GALNT17: variants seen among roughly 807,000 people sequenced by gnomAD.
GALNT17 encodes polypeptide N-acetylgalactosaminyltransferase 17.
In GALNT17, 29 loss-of-function variants were observed where a neutral mutation model predicts 63.7. The ratio of observed to expected loss-of-function variants is 0.46; its 90% CI spans 0.34 to 0.62. GALNT17 has a LOEUF of 0.62. Among genes scored for constraint, GALNT17 ranks in the 20% least tolerant of loss-of-function variants. The pLI is 0.01. For missense variants in GALNT17, 603 were observed against 799.6 expected, an observed-to-expected ratio of 0.75 and a Z score of 2.97; for synonymous variants, 305 against 318.3, an observed-to-expected ratio of 0.96 and a Z score of 0.45.
intron 5 of GALNT17, among the ~76,000 whole-genome samples, chr7:71,520,861 G>A (rs1788519212): frequency 6.6e-6 from 1 of 152,170 alleles, no homozygotes; most frequent in Non-Finnish European, 1.5e-5. Flanking sequence ...GAGACTAGGA[G>A]AGGAGGGACA....
intron 3 of GALNT17, among the ~76,000 whole-genome samples, chr7:71,405,479 T>C (rs998143018): frequency 6.6e-6 from 1 of 151,946 alleles, no homozygotes; most frequent in African/African-American, 2.4e-5. Context: ...ATAATAATAA[T>C]AAAATATTAG....
At chr7:71,415,863 CCTT>C (rs779267549) in intron 3 of GALNT17, 23 bp from the exon 4 acceptor site, 8 of 1,558,870 alleles carry the variant, frequency 5.1e-6, no homozygotes, top group East Asian at 2.3e-5. Context: ...TGTTTATAGA[CCTT>C]CTTGCATTTT....
intron 6 of GALNT17, among the ~76,000 whole-genome samples, chr7:71,623,695 C>T (rs1027161604): frequency 2.0e-5 from 3 of 152,172 alleles, no homozygotes; most frequent in Non-Finnish European, 4.4e-5. Flanking sequence ...CTCAGCCTCC[C>T]AAGGTGCTGG....
chr7:71,583,316 G>A (rs796324721), intron 6 of GALNT17, among the ~76,000 whole-genome samples: 6 of 152,212 alleles, frequency 3.9e-5, no homozygotes, highest in African/African-American at 1.2e-4. Flanking sequence ...GGATGGTCTC[G>A]ATCTCCTGAC....
chr7:71,289,596 T>A (rs184884076), intron 1 of GALNT17, among the ~76,000 whole-genome samples: 1 of 150,840 alleles, frequency 6.6e-6, no homozygotes, highest in Non-Finnish European at 1.5e-5. Context: ...ATTAGCCAGA[T>A]GGACCGGGTG....
intron 5 of GALNT17, among the ~76,000 whole-genome samples, chr7:71,568,166 A>G (rs1237184729): frequency 6.6e-6 from 1 of 152,206 alleles, no homozygotes; most frequent in East Asian, 1.9e-4. Flanking sequence ...CAGTTCCTCC[A>G]TGAAGCCTTT....
chr7:71,410,045 A>T (rs762953171), intron 3 of GALNT17, among the ~76,000 whole-genome samples: 41 of 152,172 alleles, frequency 2.7e-4, no homozygotes, highest in Non-Finnish European at 5.6e-4. Flanking sequence ...TCTCAAAGGG[A>T]AAACTTAATA....
At position 71,132,548 on chromosome 7, in the gene GALNT17, C is replaced by T; in HGVS notation, c.-255C>T. ...GGAGACGCCTGGACGGGGCCGTGCG[C>T]CGTGGACTGAGCAGGCGTCTCGGGG... On this transcript the variant is annotated 5_prime_UTR_variant, in exon 1 of 11. Transcript: ENST00000333538. The T allele has an allele frequency of 2.0e-6, 1 of 498,724 alleles. No individual in the cohort carries two copies. The highest frequency in any genetic ancestry group is 2.9e-5 in the South Asian group (1 of 35,062). 30.9% of individuals were successfully genotyped at this position (498,724 alleles called of 1,614,324 possible).
At chr7:71,376,180 AT>A (rs1792720326) in intron 2 of GALNT17, among the ~76,000 whole-genome samples, 1 of 152,106 alleles carries the variant, frequency 6.6e-6, no homozygotes. Flanking sequence ...AATTTGCATT[AT>A]TTCCTGATGT....
At chr7:71,580,300 T>A (rs1789613273) in intron 6 of GALNT17, among the ~76,000 whole-genome samples, 1 of 151,894 alleles carries the variant, frequency 6.6e-6, no homozygotes, top group Non-Finnish European at 1.5e-5. Flanking sequence ...GATACATGGA[T>A]GATAGATGTA....
intron 5 of GALNT17, among the ~76,000 whole-genome samples, chr7:71,561,221 C>T (rs1192206349): frequency 2.0e-5 from 3 of 152,062 alleles, no homozygotes; most frequent in Non-Finnish European, 4.4e-5. Context: ...CCATGTTGCC[C>T]GAGCTGGTCT....
At chr7:71,635,688 A>G (rs1474631967) in intron 6 of GALNT17, among the ~76,000 whole-genome samples, 1 of 152,198 alleles carries the variant, frequency 6.6e-6, no homozygotes, top group Non-Finnish European at 1.5e-5. Context: ...TTAAAGGAAT[A>G]AAGAATGGTT....
chr7:71,602,167 C>T (rs1006241276), intron 6 of GALNT17, among the ~76,000 whole-genome samples: 2 of 152,218 alleles, frequency 1.3e-5, no homozygotes, highest in African/African-American at 4.8e-5. Flanking sequence ...TACGACCATC[C>T]CTAATTTTAA....
At chr7:71,297,870 T>G (rs1041126484) in intron 1 of GALNT17, among the ~76,000 whole-genome samples, 2 of 152,290 alleles carry the variant, frequency 1.3e-5, no homozygotes, top group Admixed American at 6.5e-5. Context: ...TTATGTCAAG[T>G]TCTGGAACAG....
intron 9 of GALNT17, among the ~76,000 whole-genome samples, chr7:71,700,584 G>A (rs992419677): frequency 3.3e-5 from 5 of 152,084 alleles, no homozygotes; most frequent in Admixed American, 3.3e-4. Context: ...ACTCCATCAT[G>A]GTGAAAGCTA....
At chr7:71,358,320 C>T (rs752236096) in intron 2 of GALNT17, among the ~76,000 whole-genome samples, 1 of 152,172 alleles carries the variant, frequency 6.6e-6, no homozygotes. Context: ...ACTTGAACGC[C>T]GGAGGCGGAG....
chr7:71,316,558 A>G (rs139074325), intron 1 of GALNT17, among the ~76,000 whole-genome samples: 2 of 152,250 alleles, frequency 1.3e-5, no homozygotes, highest in African/African-American at 4.8e-5. Flanking sequence ...CCCAAAGTAA[A>G]GGGCTCCTCC....
chr7:71,436,467 C>T lies in GALNT17; in HGVS notation c.962+15362C>T, dbSNP rs1381996905. ...GGGCACGGTGACTCACGCCTGTAAT[C>T]CCAGCACTTTGGGAGGCCGAGGCAG... On this transcript the variant is annotated intron_variant, in intron 5 of 10. Coordinates refer to ENST00000333538, the MANE Select transcript of GALNT17 (RefSeq NM_022479.3). 2.6e-5 allele frequency among the ~76,000 whole-genome samples: 4 copies of T among 152,118 alleles called. No homozygotes were observed. In the South Asian group the frequency reaches 6.2e-4, roughly 24 times the overall value.
intron 1 of GALNT17, among the ~76,000 whole-genome samples, chr7:71,298,275 C>T (rs1341729924): frequency 2.6e-5 from 4 of 152,166 alleles, no homozygotes; most frequent in African/African-American, 4.8e-5. Flanking sequence ...CTGCCTGGGC[C>T]TCCCAAAGTG....
Sources: gnomAD v4.1 joint callset for allele counts (sites outside exome capture counted in the v4.1 genomes callset) on GRCh38, gnomAD v4.1.1 for gene constraint, MANE v1.5 for transcripts, NCBI Gene and HGNC (gene_info 2026-07-23, HGNC 2026-07-21) for gene names.